Variants in MIA2 observed in about 807,000 individuals in gnomAD.
MIA2 encodes MIA SH3 domain ER export factor 2, also known as melanoma inhibitory activity protein 2.
Under a neutral mutation model 167.8 loss-of-function variants are expected in MIA2, and 127 were observed. The ratio of observed to expected loss-of-function variants is 0.76; its 90% CI spans 0.66 to 0.88. The LOEUF (loss-of-function observed/expected upper bound fraction) is 0.88, where lower values mean the gene tolerates loss of function less well. Among genes scored for constraint, MIA2 ranks in the 40% least tolerant of loss-of-function variants. The pLI is 0.00. For missense variants in MIA2, 1,690 were observed against 1,624.7 expected (o/e 1.04, Z -0.69); for synonymous variants, 552 against 541.9 (o/e 1.02, Z -0.26).
At chr14:39,234,426 T>G (rs1358594180) in intron 1 of MIA2, among the ~76,000 whole-genome samples, 197 bp downstream of exon 1, 1 of 152,076 alleles carries the variant, frequency 6.6e-6, no homozygotes, top group South Asian at 2.1e-4. Context: ...AATATACAAA[T>G]AGCAAAAATC....
chr14:39,385,401 G>C, intron 23 of MIA2: 1 of 1,292,320 alleles, frequency 7.7e-7, no homozygotes, highest in Non-Finnish European at 1.1e-6. Context: ...GTCATACTCA[G>C]GCAGGTTCTG....
intron 6 of MIA2, among the ~76,000 whole-genome samples, chr14:39,258,789 T>C (rs555609676): frequency 3.2e-3 from 492 of 152,336 alleles, no homozygotes; most frequent in Non-Finnish European, 5.1e-3. Flanking sequence ...TCCTTTATGT[T>C]GATGTTGATC....
intron 9 of MIA2, among the ~76,000 whole-genome samples, chr14:39,287,401 G>A (rs1016598809): frequency 6.6e-6 from 1 of 151,740 alleles, no homozygotes; most frequent in African/African-American, 2.4e-5. Context: ...GAATAGAAGT[G>A]GTGGTTGTGG....
intron 7 of MIA2, among the ~76,000 whole-genome samples, chr14:39,277,686 ATGTGTG>A (rs201566183): frequency 0.29 from 4,131 of 14,418 alleles, 1,085 homozygotes; most frequent in Non-Finnish European, 0.34. Context: ...ATATATATAT[ATGTGTG>A]TATATATATA....
In MIA2 at chr14:39,302,794, TAAAA is replaced by T. The variant is rs369491319; in HGVS notation, c.2740+550_2740+553del. Among the ~76,000 whole-genome samples the T allele has an allele frequency of 3.3e-5, 5 of 151,978 alleles. No individual in the cohort carries two copies. The South Asian group carries it at 8.3e-4, about 25-fold the overall frequency. ...TATTCTCACACCAATTCCTTTGACC[TAAAA>T]AAAACCTTTTTATTTTGAAATATGG... On this transcript the variant is annotated intron_variant, in intron 15 of 28. Transcript: ENST00000640607.
chr14:39,366,071 G>A (rs2074816528), intron 23 of MIA2, among the ~76,000 whole-genome samples: 1 of 152,048 alleles, frequency 6.6e-6, no homozygotes, highest in Non-Finnish European at 1.5e-5. Flanking sequence ...TAGTCTCTAT[G>A]CAGTTTCTTA....
At chr14:39,375,900 T>G (rs2075034745) in intron 23 of MIA2, among the ~76,000 whole-genome samples, 1 of 152,214 alleles carries the variant, frequency 6.6e-6, no homozygotes, top group Non-Finnish European at 1.5e-5. Context: ...TATTGTTATT[T>G]TAGTTATATA....
chr14:39,243,122 C>CAA (rs112534680), intron 3 of MIA2, among the ~76,000 whole-genome samples: 37,338 of 126,998 alleles, frequency 0.29, 5,847 homozygotes, highest in East Asian at 0.47. Context: ...AACTTTGTCT[C>CAA]AAAAAAAAAA....
chr14:39,250,364 C>T (rs1417847810), intron 4 of MIA2, among the ~76,000 whole-genome samples: 2 of 151,854 alleles, frequency 1.3e-5, no homozygotes, highest in Admixed American at 6.6e-5. Flanking sequence ...CCTAGGAGTT[C>T]GAGGCCGGCC....
chr14:39,339,407 A>G (rs1184699730), intron 25 of MIA2, among the ~76,000 whole-genome samples: 8 of 152,202 alleles, frequency 5.3e-5, no homozygotes, highest in Admixed American at 4.6e-4. Flanking sequence ...TTGTTGGCAT[A>G]TATTTAGATA....
chr14:39,296,564 A>G (rs958192316), intron 13 of MIA2, among the ~76,000 whole-genome samples: 1 of 149,728 alleles, frequency 6.7e-6, no homozygotes, highest in African/African-American at 2.5e-5. Flanking sequence ...TACAGGTGTG[A>G]GCCACCGCGC....
rs2060181047 is a variant in MIA2, at chr14:39,288,458, TATATATATATATA to T, written c.2131-2560_2131-2548del. Among the ~76,000 whole-genome samples the T allele has an allele frequency of 9.4e-4, 15 of 16,008 alleles. 1 individual carries two copies. Among genetic ancestry groups the T allele is most frequent in the South Asian group, 2.2e-3 (1 of 460 alleles). The allele number at this position is 16,008 out of a possible 152,430, so 10.5% of individuals were successfully genotyped here. A position where few individuals can be genotyped will look rare whatever the true frequency, so the allele number is the denominator to read the frequency against. ...ATATATATATATATATATATATATA[TATATATATATATA>T]TATATTTTTTTTTTTTTTTTTGAGA... On this transcript the variant is annotated intron_variant, in intron 9 of 28. Coordinates refer to ENST00000640607, the MANE Select transcript of MIA2 (RefSeq NM_001329214.4).
At chr14:39,263,582 C>T (rs1274449927) in intron 6 of MIA2, among the ~76,000 whole-genome samples, 2 of 139,668 alleles carry the variant, frequency 1.4e-5, no homozygotes, top group Non-Finnish European at 3.1e-5. Context: ...CCTTTCCTTT[C>T]CTCTTATTTT....
chr14:39,247,789 TG>T lies in MIA2; in HGVS notation c.1217del (p.Gly406ValfsTer10). ...TAGATGACAGGAAAAATGAAGAAGATGGTGGGGCAGATGAACATGAACATCC... is the reference window on the plus strand; with the variant it reads ...TAGATGACAGGAAAAATGAAGAAGATGTGGGGCAGATGAACATGAACATCC... Reference protein sequence around the residue: ...MLDDRKNEEDGGADEHEHPLT... With the variant: ...MLDDRKNEEDXGADEHEHPLT... On this transcript the variant is annotated frameshift_variant, in exon 4 of 29. Transcript: ENST00000640607. LOFTEE classifies it high-confidence loss of function. 1 of 1,613,392 alleles carries T rather than the reference TG, an allele frequency of 6.2e-7. No homozygotes were observed. Among genetic ancestry groups the T allele is most frequent in the Non-Finnish European group, 8.5e-7 (1 of 1,179,892 alleles).
intron 24 of MIA2, among the ~76,000 whole-genome samples, 189 bp downstream of exon 24, chr14:39,321,245 C>T (rs911514307): frequency 1.3e-5 from 2 of 152,020 alleles, no homozygotes; most frequent in Admixed American, 6.6e-5. Context: ...CTCTTAGAAA[C>T]CGTGCTATAT....
intron 25 of MIA2, among the ~76,000 whole-genome samples, chr14:39,332,574 A>T (rs1223332233): frequency 6.6e-6 from 1 of 151,870 alleles, no homozygotes; most frequent in Non-Finnish European, 1.5e-5. Flanking sequence ...ATCTTCCTGG[A>T]TTTATTTACC....
Position 39,385,858 on chromosome 14 carries a change from C to G in MIA2, c.2249-1027C>G, listed in dbSNP as rs878875921. 6 of 965,968 alleles carry G rather than the reference C, an allele frequency of 6.2e-6. No homozygotes were observed. The South Asian group carries it at 6.4e-5, about 10-fold the overall frequency. 59.8% of individuals were successfully genotyped at this position (965,968 alleles called of 1,614,324 possible). A position where few individuals can be genotyped will look rare whatever the true frequency, so the allele number is the denominator to read the frequency against. ...ATGCCCTTGTCCTCGACCTCTCCCCCGCATGCCCCGTCCCCTAGCTCCCTT... is the reference window on the plus strand; with the variant it reads ...ATGCCCTTGTCCTCGACCTCTCCCCGGCATGCCCCGTCCCCTAGCTCCCTT... On this transcript the variant is annotated intron_variant, in intron 23 of 23. Coordinates refer to the MIA2 transcript ENST00000341502.
chr14:39,237,431 G>T (rs1437624252), intron 2 of MIA2, among the ~76,000 whole-genome samples: 2 of 152,084 alleles, frequency 1.3e-5, no homozygotes, highest in African/African-American at 4.8e-5. Context: ...CCCGCCCAAG[G>T]ATACCTGCTT....
intron 25 of MIA2, among the ~76,000 whole-genome samples, chr14:39,334,364 A>G (rs1305072871): frequency 6.6e-6 from 1 of 151,730 alleles, no homozygotes; most frequent in East Asian, 2.0e-4. Flanking sequence ...AATCTCAGCT[A>G]CTCGGGAGGC....
Sources: gnomAD v4.1 joint callset for allele counts (sites outside exome capture counted in the v4.1 genomes callset) on GRCh38, gnomAD v4.1.1 for gene constraint, MANE v1.5 for transcripts, NCBI Gene and HGNC (gene_info 2026-07-23, HGNC 2026-07-21) for gene names.